CD81: variants seen among roughly 807,000 people sequenced by gnomAD.
The protein encoded by CD81 is CD81 antigen.
A neutral mutation model predicts 30.1 loss-of-function variants in CD81; 10 were observed. The ratio of observed to expected loss-of-function variants is 0.33; its 90% confidence interval spans 0.21 to 0.56. CD81 has a LOEUF of 0.56. Among genes scored for constraint, CD81 ranks in the 20% least tolerant of loss-of-function variants. CD81 has a pLI of 0.89. For synonymous variants in CD81, 147 were observed against 126.4 expected, an observed-to-expected ratio of 1.16 and a Z score of -1.10; for missense variants, 263 against 308.7, an observed-to-expected ratio of 0.85 and a Z score of 1.11.
In CD81 at chr11:2,390,473, ACCT is replaced by A; in HGVS notation, c.132_134del (p.Leu45del). On this transcript the variant is annotated inframe_deletion, in exon 2 of 8. Coordinates refer to ENST00000263645, the MANE Select transcript of CD81 (RefSeq NM_004356.4). ...CTCCGCCATGACCCGCAGACCACCA[ACCT>A]CCTGTATCTGGAGCTGGGAGACAAG... 6.2e-7 allele frequency: 1 copy of A among 1,612,870 alleles called. No homozygotes were observed. Among genetic ancestry groups the A allele is most frequent in the Non-Finnish European group, 8.5e-7 (1 of 1,179,998 alleles).
In CD81 at chr11:2,395,922, G is replaced by C; in HGVS notation, c.513G>C (p.Lys171Asn). The C allele has an allele frequency of 6.2e-7, 1 of 1,612,616 alleles. No individual in the cohort carries two copies. The highest frequency in any genetic ancestry group is 1.3e-5 in the African/African-American group (1 of 75,044). ...CTGCTTTGACCACCTCAGTGCTCAA[G>C]AACAATTTGTGTCCCTCGGGCAGCA... ...TLTALTTSVL[K>N]NNLCPSGSNI... Residue 171 changes from lysine to asparagine, a missense_variant, in exon 6 of 8, where the codon AAG (lysine) becomes AAC (asparagine). This residue lies in a region of CD81 where 176 missense variants were observed against 192.9 expected (regional missense o/e 0.91). Transcript: ENST00000263645.
At chr11:2,392,642 C>G (rs1173565072) in intron 2 of CD81, 1 of 152,316 alleles carries the variant, frequency 6.6e-6, no homozygotes, top group Non-Finnish European at 1.5e-5. Context: ...AAGTCCTCGC[C>G]CATTCCAGAA....
intron 1 of CD81, among the ~76,000 whole-genome samples, chr11:2,380,673 G>A (rs1849690387): frequency 6.6e-6 from 1 of 152,168 alleles, no homozygotes; most frequent in African/African-American, 2.4e-5. Context: ...AGAGGCGGCT[G>A]GCACCTGAGA....
chr11:2,394,924 G>A (rs375110519), intron 3 of CD81, 48 bp from the exon 4 acceptor site: 563 of 1,553,852 alleles, frequency 3.6e-4, no homozygotes, highest in Non-Finnish European at 4.5e-4. Context: ...CTTGGGCCCC[G>A]CCTACAGCCT....
At chr11:2,379,917 G>A (rs538982609) in intron 1 of CD81, among the ~76,000 whole-genome samples, 3 of 152,270 alleles carry the variant, frequency 2.0e-5, no homozygotes, top group Admixed American at 1.3e-4. Context: ...CCCTGGTGTC[G>A]CAGGGTGTGT....
At chr11:2,379,168 G>A (rs1193200724) in intron 1 of CD81, 4 of 455,850 alleles carry the variant, frequency 8.8e-6, no homozygotes, top group Non-Finnish European at 1.3e-5. Context: ...GACACAGGAT[G>A]TCCCTCTGCC....
At chr11:2,395,347 G>T in intron 4 of CD81, 69 bp from the exon 5 acceptor site, 1 of 1,280,540 alleles carries the variant, frequency 7.8e-7, no homozygotes, top group Non-Finnish European at 1.1e-6. Flanking sequence ...GCGTCCGCCT[G>T]GGGCGGGGCG....
chr11:2,391,386 G>C (rs1369542228), intron 2 of CD81: 1 of 152,792 alleles, frequency 6.5e-6, no homozygotes, highest in Non-Finnish European at 1.5e-5. Flanking sequence ...CAGTTACGGA[G>C]GCTGCTTGGC....
intron 1 of CD81, among the ~76,000 whole-genome samples, chr11:2,384,345 C>A (rs1333093179): frequency 8.9e-4 from 14 of 15,706 alleles, no homozygotes; most frequent in Non-Finnish European, 1.4e-3. Flanking sequence ...CGGGGCGTCT[C>A]GGGAGGTGGG....
rs546603231 is a variant in CD81, at chr11:2,389,527, C to T, written c.67-885C>T. Among the ~76,000 whole-genome samples the T allele has an allele frequency of 3.9e-5, 6 of 152,194 alleles. No individual in the cohort carries two copies. The South Asian group carries it at 1.2e-3, about 32-fold the overall frequency. ...GGCCCAGTCTCAAGGGCAGACCCCA[C>T]CTGGCTAGAGTTGATTGTGTGCACA... On this transcript the variant is annotated intron_variant, in intron 1 of 7. Coordinates refer to ENST00000263645, the MANE Select transcript of CD81 (RefSeq NM_004356.4).
At chr11:2,379,528 C>T (rs962728460) in intron 1 of CD81, among the ~76,000 whole-genome samples, 5 of 146,812 alleles carry the variant, frequency 3.4e-5, no homozygotes, top group Admixed American at 2.7e-4. Context: ...AGGGGAGTCA[C>T]GGGAGGGGAC....
chr11:2,392,937 A>C (rs1849926193), intron 2 of CD81: 1 of 152,190 alleles, frequency 6.6e-6, no homozygotes, highest in African/African-American at 2.4e-5. Context: ...GCAACCCAGG[A>C]GTGTCAGGGC....
chr11:2,396,151 G>A, intron 6 of CD81, 181 bp downstream of exon 6: 1 of 658,096 alleles, frequency 1.5e-6, no homozygotes, highest in Non-Finnish European at 2.8e-6. Flanking sequence ...CCACGAGGAA[G>A]GCAGGCGCCC....
chr11:2,377,380 C>A lies in CD81; in HGVS notation c.-170C>A. ...CGCGCATCCTGCCAGGCCTCCGGCG[C>A]CCAGCGCCCCACGCGCCCCCGCGCC... On this transcript the variant is annotated 5_prime_UTR_variant, in exon 1 of 8. Transcript: ENST00000263645. The surrounding 1 kb of genome is among the most constrained non-coding windows in gnomAD (Gnocchi z 7.7). 6.6e-6 allele frequency: 1 copy of A among 152,108 alleles called. No individual in the cohort carries two copies. The highest frequency in any genetic ancestry group is 2.4e-5 in the African/African-American group (1 of 40,974). 9.4% of individuals were successfully genotyped at this position (152,108 alleles called of 1,614,324 possible).
At chr11:2,379,093 C>A in intron 1 of CD81, 2 of 450,382 alleles carry the variant, frequency 4.4e-6, no homozygotes, top group South Asian at 1.6e-5. Flanking sequence ...CCAGGCCCGG[C>A]CCTGGGACCT....
upstream of CD81, chr11:2,377,282 T>C (rs1381875057): frequency 6.6e-6 from 1 of 150,558 alleles, no homozygotes; most frequent in East Asian, 2.0e-4. This position sits in a 1 kb window ranked among gnomAD's most constrained non-coding sequence, Gnocchi z 7.7. Context: ...CGGCGCCCTA[T>C]AAGTACTGCG....
At chr11:2,394,438 G>A (rs1425781636) in intron 3 of CD81, among the ~76,000 whole-genome samples, 1 of 152,250 alleles carries the variant, frequency 6.6e-6, no homozygotes, top group African/African-American at 2.4e-5. Flanking sequence ...CAGGGAGCAA[G>A]CCTCAGCTCT....
chr11:2,388,732 GCC>G (rs58035575), intron 1 of CD81, among the ~76,000 whole-genome samples: 6 of 151,864 alleles, frequency 4.0e-5, no homozygotes, highest in African/African-American at 1.5e-4. Context: ...TGCCCTCGTG[GCC>G]CCCCCCGGGT....
chr11:2,386,054 C>G, intron 1 of CD81: 1 of 717,358 alleles, frequency 1.4e-6, no homozygotes, highest in South Asian at 1.5e-5. Flanking sequence ...GTTGCCTCCC[C>G]CAGCAGCATG....
Sources: allele counts gnomAD v4.1 joint callset (sites outside exome capture counted in the v4.1 genomes callset), GRCh38; gene constraint gnomAD v4.1.1; regional missense constraint gnomAD v4.1.1; non-coding constraint Gnocchi (gnomAD v3.1); transcripts MANE v1.5; gene names NCBI Gene and HGNC (gene_info 2026-07-23, HGNC 2026-07-21).